Variants in GALNTL6 observed in about 807,000 individuals in gnomAD.
GALNTL6 encodes polypeptide N-acetylgalactosaminyltransferase-like 6.
A neutral mutation model predicts 73.7 loss-of-function variants in GALNTL6; 46 were observed. The observed-to-expected ratio is 0.62, with a 90% CI of 0.49 to 0.80. The LOEUF (loss-of-function observed/expected upper bound fraction) is 0.80, where lower values mean the gene tolerates loss of function less well. Among genes scored for constraint, GALNTL6 ranks in the 30% least tolerant of loss-of-function variants. The pLI is 0.00. For synonymous variants in GALNTL6, 259 were observed against 263.7 expected, an observed-to-expected ratio of 0.98 and a Z score of 0.17; for missense variants, 604 against 755.0, an observed-to-expected ratio of 0.80 and a Z score of 2.34.
At chr4:172,098,168 GTCTC>G (rs888986853) in intron 2 of GALNTL6, among the ~76,000 whole-genome samples, 1 of 151,998 alleles carries the variant, frequency 6.6e-6, no homozygotes, top group South Asian at 2.1e-4. Context: ...CTGTATATAT[GTCTC>G]TCTCTATATA....
At chr4:171,829,512 C>A (rs1262519059) in intron 2 of GALNTL6, among the ~76,000 whole-genome samples, 1 of 152,160 alleles carries the variant, frequency 6.6e-6, no homozygotes, top group Non-Finnish European at 1.5e-5. Flanking sequence ...AAGCCTCAAC[C>A]ATTTTGAGCT....
chr4:172,133,949 AG>A (rs1000092226), intron 2 of GALNTL6, among the ~76,000 whole-genome samples: 108 of 152,350 alleles, frequency 7.1e-4, no homozygotes, highest in African/African-American at 2.4e-3. Flanking sequence ...ATGTTAAAGA[AG>A]GTAGTCACAT....
At chr4:172,357,726 A>T (rs1742214993) in intron 5 of GALNTL6, among the ~76,000 whole-genome samples, 1 of 151,862 alleles carries the variant, frequency 6.6e-6, no homozygotes, top group South Asian at 2.1e-4. Context: ...ACACAAAAAA[A>T]CCTGACTGCA....
At position 172,033,071 on chromosome 4, in the gene GALNTL6, TA is replaced by T. The variant is rs990351363; in HGVS notation, c.139-196579del. On this transcript the variant is annotated intron_variant, in intron 2 of 12. Transcript: ENST00000506823. ...GTATGACAAGTTAACATTTCTCTAG[TA>T]AAAAAGTTGCTTCAGTCCCCCTATT... 2.6e-5 allele frequency among the ~76,000 whole-genome samples: 4 copies of T among 152,012 alleles called. No individual in the cohort carries two copies. The South Asian group carries it at 6.2e-4, about 24-fold the overall frequency.
At chr4:172,529,863 T>TTTTATTTTATTTTA (rs1554032972) in intron 5 of GALNTL6, among the ~76,000 whole-genome samples, 1 of 138,658 alleles carries the variant, frequency 7.2e-6, no homozygotes, top group African/African-American at 2.7e-5. Context: ...TTTATTTTTA[T>TTTTATTTTATTTTA]TTTATTTATT....
chr4:172,003,847 G>C (rs950506386), intron 2 of GALNTL6, among the ~76,000 whole-genome samples: 1 of 152,046 alleles, frequency 6.6e-6, no homozygotes, highest in South Asian at 2.1e-4. Flanking sequence ...TTATTTAGCT[G>C]TCAGAAGTAC....
At chr4:173,006,355 GTCAGGT>G (rs1270637136) in intron 10 of GALNTL6, among the ~76,000 whole-genome samples, 9 of 152,170 alleles carry the variant, frequency 5.9e-5, no homozygotes, top group African/African-American at 2.2e-4. Context: ...TCAGAGTTCT[GTCAGGT>G]AGCTTTCAGG....
At chr4:172,560,308 C>A (rs1171837683) in intron 5 of GALNTL6, among the ~76,000 whole-genome samples, 1 of 145,750 alleles carries the variant, frequency 6.9e-6, no homozygotes, top group African/African-American at 2.6e-5. Context: ...GACCTCATCT[C>A]TGCAAAATAA....
At chr4:172,307,841 T>A (rs1578937774) in intron 3 of GALNTL6, among the ~76,000 whole-genome samples, 1 of 151,898 alleles carries the variant, frequency 6.6e-6, no homozygotes, top group African/African-American at 2.4e-5. Context: ...TTATGTGGGA[T>A]CTTTTTTAGT....
chr4:172,110,199 G>T (rs1343416760), intron 2 of GALNTL6, among the ~76,000 whole-genome samples: 1 of 152,118 alleles, frequency 6.6e-6, no homozygotes, highest in Non-Finnish European at 1.5e-5. Context: ...TATGAGATGG[G>T]CTCAATGTTG....
At chr4:172,478,452 T>C (rs1028568500) in intron 5 of GALNTL6, among the ~76,000 whole-genome samples, 29 of 152,212 alleles carry the variant, frequency 1.9e-4, no homozygotes, top group Non-Finnish European at 4.4e-5. Flanking sequence ...GAAAATTGGA[T>C]AGACATAGGC....
chr4:171,897,588 C>T (rs1177374395), intron 2 of GALNTL6, among the ~76,000 whole-genome samples: 4 of 151,910 alleles, frequency 2.6e-5, no homozygotes, highest in African/African-American at 4.8e-5. Flanking sequence ...TTTGGGAGGC[C>T]GAGGCATGTG....
chr4:172,302,391 G>A (rs1183133134), intron 3 of GALNTL6, among the ~76,000 whole-genome samples: 7 of 152,108 alleles, frequency 4.6e-5, no homozygotes, highest in African/African-American at 1.4e-4. Flanking sequence ...CCCACTGTCC[G>A]ACAATCCCCA....
intron 2 of GALNTL6, among the ~76,000 whole-genome samples, chr4:171,864,628 CTAAT>C (rs1309008417): frequency 6.6e-6 from 1 of 152,042 alleles, no homozygotes; most frequent in Non-Finnish European, 1.5e-5. Flanking sequence ...CATATTAGTC[CTAAT>C]AAAGCTAGGT....
At chr4:172,041,537 A>G (rs1742085792) in intron 2 of GALNTL6, among the ~76,000 whole-genome samples, 1 of 152,146 alleles carries the variant, frequency 6.6e-6, no homozygotes, top group African/African-American at 2.4e-5. Flanking sequence ...ACCTGTGATT[A>G]TATCCTAAAT....
At chr4:172,562,591 G>C (rs1736414006) in intron 5 of GALNTL6, among the ~76,000 whole-genome samples, 1 of 152,182 alleles carries the variant, frequency 6.6e-6, no homozygotes, top group African/African-American at 2.4e-5. Context: ...TGTCCTATGA[G>C]AAGCTGTGCT....
At chr4:172,970,540 T>C (rs1750532297) in intron 10 of GALNTL6, among the ~76,000 whole-genome samples, 1 of 152,278 alleles carries the variant, frequency 6.6e-6, no homozygotes, top group Admixed American at 6.5e-5. Context: ...GTGTATAGGC[T>C]CTCTGCAAGA....
chr4:172,274,522 G>A (rs1738763657), intron 3 of GALNTL6, among the ~76,000 whole-genome samples: 1 of 152,150 alleles, frequency 6.6e-6, no homozygotes, highest in South Asian at 2.1e-4. Context: ...TAATTAATGG[G>A]TGGTTGTTCA....
intron 2 of GALNTL6, among the ~76,000 whole-genome samples, chr4:171,954,199 T>TCTGTC (rs1738976784): frequency 6.6e-6 from 1 of 152,230 alleles, no homozygotes; most frequent in Non-Finnish European, 1.5e-5. Flanking sequence ...TTAAAAATTC[T>TCTGTC]ATTCATAACT....
Sources: allele counts gnomAD v4.1 joint callset (sites outside exome capture counted in the v4.1 genomes callset), GRCh38; gene constraint gnomAD v4.1.1; transcripts MANE v1.5; gene names NCBI Gene and HGNC (gene_info 2026-07-23, HGNC 2026-07-21).